ZNF667: variants seen among roughly 807,000 people sequenced by gnomAD.
The protein encoded by ZNF667 is zinc finger protein 667, also known as myocardial ischemic preconditioning upregulated 1 ortholog.
ZNF667 carries 13 observed loss-of-function variants against 31.8 expected under a neutral mutation model. The ratio of observed to expected loss-of-function variants is 0.41; its 90% CI spans 0.27 to 0.65. The LOEUF is 0.65. ZNF667 is among the 30% of genes least tolerant of loss of function. The pLI is 0.32. For synonymous variants in ZNF667, 228 were observed against 247.1 expected (o/e 0.92, Z 0.73); for missense variants, 642 against 725.6 (o/e 0.88, Z 1.32).
Position 56,442,339 on chromosome 19 carries a change from A to G in ZNF667, c.656T>C (p.Met219Thr), listed in dbSNP as rs772426181. Residue 219 changes from methionine to threonine, a missense_variant, in exon 7 of 7, where the codon ATG (methionine) becomes ACG (threonine). Transcript: ENST00000504904. ...FNQRTTLILH[M>T]RIHDGKEILD... ...AATTTCCTTTCCATCATGAATTCTCATATGTAGAATAAGGGTTGTTCTTTG... is the reference window on the plus strand; with the variant it reads ...AATTTCCTTTCCATCATGAATTCTCGTATGTAGAATAAGGGTTGTTCTTTG... 5.0e-6 allele frequency: 8 copies of G among 1,613,886 alleles called. No individual in the cohort carries two copies. The highest frequency in any genetic ancestry group is 6.8e-6 in the Non-Finnish European group (8 of 1,179,936).
At chr19:56,469,759 C>T (rs1045875107) in intron 3 of ZNF667, among the ~76,000 whole-genome samples, 21 of 152,250 alleles carry the variant, frequency 1.4e-4, no homozygotes, top group African/African-American at 5.1e-4. Context: ...TTACTGTCAA[C>T]CGTCCTGAGG....
At position 56,440,857 on chromosome 19, in the gene ZNF667, T is replaced by G. The variant is rs945296482; in HGVS notation, c.*305A>C. 9.5e-7 allele frequency: 1 copy of G among 1,057,696 alleles called. No individual in the cohort carries two copies. Among genetic ancestry groups the G allele is most frequent in the Non-Finnish European group, 1.2e-6 (1 of 855,958 alleles). 65.5% of individuals were successfully genotyped at this position (1,057,696 alleles called of 1,614,324 possible). On this transcript the variant is annotated 3_prime_UTR_variant, in exon 7 of 7. Transcript: ENST00000504904. The stretch of plus-strand genomic sequence containing the variant: ...TCACCGTGGTCTCAAACTCTTGACC[T>G]CGTGATCCGCCTGTCTCAGCCTCCC...
chr19:56,446,475 G>A (rs373330965), intron 6 of ZNF667, among the ~76,000 whole-genome samples: 4 of 152,276 alleles, frequency 2.6e-5, no homozygotes, highest in African/African-American at 9.6e-5. Context: ...AGGAAGTCTA[G>A]TCTTTGCAGC....
chr19:56,461,433 G>A (rs56194105), intron 4 of ZNF667, among the ~76,000 whole-genome samples: 2,425 of 152,228 alleles, frequency 0.016, 75 homozygotes, highest in African/African-American at 0.056. Flanking sequence ...TGAAAAATGA[G>A]GGTCAGGTGG....
chr19:56,468,464 G>A (rs978813325), intron 3 of ZNF667: 1 of 152,166 alleles, frequency 6.6e-6, no homozygotes, highest in Admixed American at 6.5e-5. Flanking sequence ...CCCTTGCTTC[G>A]AGTTGTCCCA....
At chr19:56,471,299 C>T (rs1319588017) in intron 3 of ZNF667, among the ~76,000 whole-genome samples, 1 of 152,170 alleles carries the variant, frequency 6.6e-6, no homozygotes, top group Non-Finnish European at 1.5e-5. Context: ...GCCAATTAAA[C>T]TTTTCTTTAA....
At chr19:56,466,798 C>G (rs116416483) in intron 3 of ZNF667, among the ~76,000 whole-genome samples, 221 of 152,320 alleles carry the variant, frequency 1.5e-3, no homozygotes, top group African/African-American at 5.0e-3. Context: ...AATGACCAGG[C>G]TTAGGCTGAA....
At chr19:56,470,298 T>A (rs1170444053) in intron 3 of ZNF667, among the ~76,000 whole-genome samples, 1 of 152,230 alleles carries the variant, frequency 6.6e-6, no homozygotes, top group African/African-American at 2.4e-5. Context: ...TTAGCCCACA[T>A]GCTCTATGCA....
At chr19:56,468,619 C>T (rs1212916082) in intron 3 of ZNF667, 1 of 152,222 alleles carries the variant, frequency 6.6e-6, no homozygotes, top group East Asian at 1.9e-4. Flanking sequence ...GTGTCCTTAG[C>T]CTTGGCAAAA....
At chr19:56,458,396 TTG>T in intron 5 of ZNF667, 149 bp from the exon 6 acceptor site, 2 of 657,156 alleles carry the variant, frequency 3.0e-6, no homozygotes, top group Non-Finnish European at 5.4e-6. Context: ...GAGTGTGATA[TTG>T]TGATTTATAA....
At position 56,441,572 on chromosome 19, in the gene ZNF667, C is replaced by T. The variant is rs1439906639; in HGVS notation, c.1423G>A (p.Glu475Lys). Residue 475 changes from glutamate to lysine, a missense_variant, in exon 7 of 7, where the codon GAA (glutamate) becomes AAA (lysine). By Grantham distance (56) the Glu-to-Lys change is moderately conservative. Coordinates refer to ENST00000504904, the MANE Select transcript of ZNF667 (RefSeq NM_001321356.2). This position sits in a 1 kb window ranked among gnomAD's most constrained non-coding sequence, Gnocchi z 4.2. Reference protein sequence around the residue: ...HTGEKPYQCEECGKAFSHRIS... With the variant: ...HTGEKPYQCEKCGKAFSHRIS... ...CGGTGGCTGAAGGCTTTTCCACATTCCTCACACTGGTAGGGTTTTTCTCCA... is the reference window on the plus strand; with the variant it reads ...CGGTGGCTGAAGGCTTTTCCACATTTCTCACACTGGTAGGGTTTTTCTCCA... The T allele has an allele frequency of 1.2e-6, 2 of 1,614,088 alleles. No homozygotes were observed. The highest frequency in any genetic ancestry group is 1.7e-6 in the Non-Finnish European group (2 of 1,180,050).
At chr19:56,467,036 G>A in intron 3 of ZNF667, 1 of 456,664 alleles carries the variant, frequency 2.2e-6, no homozygotes, top group Non-Finnish European at 4.4e-6. Context: ...CTTATGGTCT[G>A]GATTGGGACC....
intron 1 of ZNF667, chr19:56,475,509 G>A (rs1372981405): frequency 6.6e-6 from 1 of 152,218 alleles, no homozygotes; most frequent in Non-Finnish European, 1.5e-5. Context: ...AGTGTCTGGA[G>A]ACATTTTTTT....
rs1225694368 is a variant in ZNF667 at position 56,467,086 on chromosome 19, G to T, written c.-60+4613C>A. The T allele has an allele frequency of 3.1e-5, 14 of 456,162 alleles. 1 individual carries two copies. In the Admixed American group the frequency reaches 3.3e-4, roughly 11 times the overall value. 28.3% of individuals were successfully genotyped at this position (456,162 alleles called of 1,614,324 possible). ...CACTCACTGGGCAAGAAGGGGCGGG[G>T]TCCCATGCAGGTGAGCCATGGTCCA... On this transcript the variant is annotated intron_variant, in intron 3 of 6. Transcript: ENST00000504904.
chr19:56,470,386 G>C (rs1415704096), intron 3 of ZNF667, among the ~76,000 whole-genome samples: 4 of 152,226 alleles, frequency 2.6e-5, no homozygotes, highest in Admixed American at 2.6e-4. Context: ...CGATGAGAAT[G>C]AAAGCTGTGC....
At chr19:56,475,168 T>A (rs2043375832) in intron 1 of ZNF667, 1 of 152,220 alleles carries the variant, frequency 6.6e-6, no homozygotes, top group Admixed American at 6.5e-5. Flanking sequence ...AAAGTACCTA[T>A]CAGCACCTAT....
chr19:56,457,618 C>T (rs1328836103), intron 6 of ZNF667, among the ~76,000 whole-genome samples: 1 of 152,166 alleles, frequency 6.6e-6, no homozygotes, highest in Non-Finnish European at 1.5e-5. Flanking sequence ...GCTTTTTCTT[C>T]CTCCAGGACT....
intron 5 of ZNF667, 90 bp downstream of exon 5, chr19:56,460,599 T>C (rs1163790921): frequency 7.1e-7 from 1 of 1,416,014 alleles, no homozygotes; most frequent in Non-Finnish European, 9.4e-7. Flanking sequence ...AAAAAGAAAC[T>C]GCAGTGGCTT....
intron 6 of ZNF667, among the ~76,000 whole-genome samples, chr19:56,443,396 C>T (rs2042658011): frequency 6.6e-6 from 1 of 152,086 alleles, no homozygotes; most frequent in Non-Finnish European, 1.5e-5. Context: ...CATTGTCAGG[C>T]AATTTCATCA....
Sources: gnomAD v4.1 joint callset for allele counts (sites outside exome capture counted in the v4.1 genomes callset) on GRCh38, gnomAD v4.1.1 for gene constraint, Gnocchi (gnomAD v3.1) non-coding constraint, MANE v1.5 for transcripts, NCBI Gene and HGNC (gene_info 2026-07-23, HGNC 2026-07-21) for gene names.